Variants in PRELID2 observed in about 807,000 individuals in gnomAD.
The protein encoded by PRELID2 is PRELI domain-containing protein 2.
A neutral mutation model predicts 28.4 loss-of-function variants in PRELID2; 25 were observed. The observed-to-expected ratio is 0.88, with a 90% CI of 0.64 to 1.23. PRELID2 has a LOEUF of 1.23. PRELID2 is among the 50% of genes most tolerant of loss of function. The pLI is 0.00. For synonymous variants in PRELID2, 76 were observed against 71.6 expected, an observed-to-expected ratio of 1.06 and a Z score of -0.31; for missense variants, 201 against 214.4, an observed-to-expected ratio of 0.94 and a Z score of 0.39.
At chr5:145,311,223 A>G in the PRELID2 span, among the ~76,000 whole-genome samples, 53 of 152,282 alleles carry the variant, frequency 3.5e-4, 1 homozygote, top group East Asian at 9.3e-3. Flanking sequence ...CCATGCTACC[A>G]TCTCACACAT....
At chr5:145,355,206 T>C in the PRELID2 span, among the ~76,000 whole-genome samples, 1 of 152,092 alleles carries the variant, frequency 6.6e-6, no homozygotes, top group Non-Finnish European at 1.5e-5. Flanking sequence ...CTTTCTTACA[T>C]AAGCAAGTGG....
chr5:145,411,492 A>C, the PRELID2 span, among the ~76,000 whole-genome samples: 1 of 152,224 alleles, frequency 6.6e-6, no homozygotes, highest in Non-Finnish European at 1.5e-5. Flanking sequence ...AGACACACTG[A>C]TGCAACAATT....
At chr5:145,568,806 C>G (rs766332104) in intron 1 of PRELID2, among the ~76,000 whole-genome samples, 13 of 152,216 alleles carry the variant, frequency 8.5e-5, no homozygotes, top group African/African-American at 1.4e-4. Flanking sequence ...CACAATACTA[C>G]TCTCAAAGAG....
intron 1 of PRELID2, among the ~76,000 whole-genome samples, chr5:145,601,007 T>C (rs1023165867): frequency 6.6e-6 from 1 of 151,820 alleles, no homozygotes; most frequent in Non-Finnish European, 1.5e-5. Flanking sequence ...TTTAAAAAAA[T>C]AAATCTGGCA....
At chr5:145,635,450 C>A (rs940572721) in intron 1 of PRELID2, among the ~76,000 whole-genome samples, 1 of 152,130 alleles carries the variant, frequency 6.6e-6, no homozygotes, top group African/African-American at 2.4e-5. Flanking sequence ...ACACCGAACT[C>A]TGGTTGAATA....
At chr5:145,592,796 G>C (rs753228880) in intron 1 of PRELID2, among the ~76,000 whole-genome samples, 11 of 152,018 alleles carry the variant, frequency 7.2e-5, no homozygotes, top group Admixed American at 7.2e-4. Context: ...AAATGCAACC[G>C]ACAGACATTG....
intron 1 of PRELID2, among the ~76,000 whole-genome samples, chr5:145,683,144 A>G (rs1399070822): frequency 6.6e-6 from 1 of 152,110 alleles, no homozygotes; most frequent in East Asian, 1.9e-4. Flanking sequence ...TGGTGTCAGA[A>G]AGATTTAGAT....
At chr5:145,751,978 A>G (rs1757135356), downstream of PRELID2, among the ~76,000 whole-genome samples, 1 of 152,156 alleles carries the variant, frequency 6.6e-6, no homozygotes, top group African/African-American at 2.4e-5. Flanking sequence ...GTGAAACTGC[A>G]TCTCAAAAAA....
intron 1 of PRELID2, among the ~76,000 whole-genome samples, chr5:145,672,610 G>A (rs1345633271): frequency 6.6e-6 from 1 of 151,840 alleles, no homozygotes; most frequent in Non-Finnish European, 1.5e-5. Flanking sequence ...TGTGAAATGA[G>A]AGGAGACTGC....
chr5:145,738,836 T>C (rs1024519889), intron 1 of PRELID2, among the ~76,000 whole-genome samples: 2 of 152,216 alleles, frequency 1.3e-5, no homozygotes, highest in South Asian at 4.1e-4. Flanking sequence ...TTCAAGAAGA[T>C]GAGTGTTTCT....
In PRELID2 at chr5:145,544,359, A is replaced by C. The variant is rs78858102; in HGVS notation, n.71-71044T>G. ...AATTTCATACTCATCAAACAAACAA[A>C]CTGCTGATAATAAATTGGCTTTTGC... On this transcript the variant is annotated intron_variant and non_coding_transcript_variant, in intron 1 of 2. Transcript: ENST00000510259. 8.2e-3 allele frequency among the ~76,000 whole-genome samples: 1,252 copies of C among 152,238 alleles called. 7 individuals carry two copies. Among genetic ancestry groups the C allele is most frequent in the African/African-American group, 9.6e-3 (400 of 41,568 alleles).
chr5:145,500,043 C>A (rs1186642973), intron 1 of PRELID2, among the ~76,000 whole-genome samples: 1 of 152,174 alleles, frequency 6.6e-6, no homozygotes, highest in Non-Finnish European at 1.5e-5. Flanking sequence ...AAAAGTCCAG[C>A]AATTATTCTG....
At chr5:145,586,958 C>A (rs1050823764) in intron 1 of PRELID2, among the ~76,000 whole-genome samples, 4 of 152,036 alleles carry the variant, frequency 2.6e-5, no homozygotes, top group African/African-American at 9.7e-5. Context: ...AGGGGAGGAA[C>A]TAAATATAAA....
chr5:145,415,464 T>A, the PRELID2 span, among the ~76,000 whole-genome samples: 2 of 124,688 alleles, frequency 1.6e-5, no homozygotes, highest in Non-Finnish European at 3.2e-5. Flanking sequence ...CAGAGTGTGA[T>A]GTTCCCCTTC....
chr5:145,425,209 A>G, the PRELID2 span, among the ~76,000 whole-genome samples: 4 of 152,234 alleles, frequency 2.6e-5, no homozygotes, highest in Non-Finnish European at 5.9e-5. Context: ...ACAAAGAGAT[A>G]CCATCTCATG....
At chr5:145,611,616 T>C (rs1321081271) in intron 1 of PRELID2, among the ~76,000 whole-genome samples, 1 of 152,230 alleles carries the variant, frequency 6.6e-6, no homozygotes. Context: ...AGAAACATTG[T>C]ATTATTGGAT....
the PRELID2 span, among the ~76,000 whole-genome samples, chr5:145,400,757 T>C: frequency 3.3e-5 from 5 of 152,166 alleles, no homozygotes; most frequent in Non-Finnish European, 7.3e-5. Context: ...CAAGCCTTTC[T>C]CTTCCAAAGC....
In PRELID2 at chr5:145,758,918, C is replaced by A. The variant is rs1390683037; in HGVS notation, c.*1618G>T. 2 of 149,196 alleles carry A rather than the reference C, an allele frequency of 1.3e-5. No homozygotes were observed. Among genetic ancestry groups the A allele is most frequent in the Admixed American group, 6.7e-5 (1 of 14,992 alleles). 9.2% of individuals were successfully genotyped at this position (149,196 alleles called of 1,614,324 possible). A position where few individuals can be genotyped will look rare whatever the true frequency, so the allele number is the denominator to read the frequency against. On this transcript the variant is annotated 3_prime_UTR_variant, in exon 7 of 7. Transcript: ENST00000683046. ...GAAAAAATACAATTGCTTTGAAATTCATCAATGGATTAAGTGGAAAAATTT... is the reference window on the plus strand; with the variant it reads ...GAAAAAATACAATTGCTTTGAAATTAATCAATGGATTAAGTGGAAAAATTT...
chr5:145,762,069 A>T (rs570064394), intron 6 of PRELID2, among the ~76,000 whole-genome samples: 107 of 152,348 alleles, frequency 7.0e-4, no homozygotes, highest in Middle Eastern at 3.4e-3. Context: ...ATACATATAC[A>T]TATATCCCCT....
Sources: gnomAD v4.1 joint callset for allele counts (sites outside exome capture counted in the v4.1 genomes callset) on GRCh38, gnomAD v4.1.1 for gene constraint, MANE v1.5 for transcripts, NCBI Gene and HGNC (gene_info 2026-07-23, HGNC 2026-07-21) for gene names.